ROS1: variants seen among roughly 807,000 people sequenced by gnomAD.
ROS1 encodes the protein ROS proto-oncogene 1, receptor tyrosine kinase.
In ROS1, 263 loss-of-function variants were observed where a neutral mutation model predicts 273.5. That is an observed-to-expected ratio of 0.96 (90% CI 0.87 to 1.06). The LOEUF (loss-of-function observed/expected upper bound fraction) is 1.06. Ranked by LOEUF, ROS1 falls within the 50% of genes least tolerant of loss-of-function variation. ROS1 has a pLI of 0.00. For missense variants in ROS1, 2,833 were observed against 2,751.1 expected (o/e 1.03, Z -0.67); for synonymous variants, 1,008 against 954.1 (o/e 1.06, Z -1.04).
chr6:117,394,795 A>T (rs1297243899), intron 9 of ROS1, 57 bp from the exon 10 acceptor site: 3 of 1,495,852 alleles, frequency 2.0e-6, no homozygotes, highest in Non-Finnish European at 9.0e-7. Context: ...ACACTAACAG[A>T]CACAAAAAAG....
chr6:117,406,955 C>T (rs765516), intron 5 of ROS1, among the ~76,000 whole-genome samples: 84,502 of 151,794 alleles, frequency 0.56, 24,725 homozygotes, highest in African/African-American at 0.74. Flanking sequence ...CCTTGAGTGT[C>T]TAAAATACTC....
At position 117,288,690 on chromosome 6, in the gene ROS1, G is replaced by T; in HGVS notation, c.6828C>A (p.Gly2276=). The change falls in exon 44 of 44, where the codon GGC becomes GGA. Residue 2276 remains glycine, a synonymous_variant. Coordinates refer to ENST00000368507, the MANE Select transcript of ROS1 (RefSeq NM_001378902.1). ...LNYMVLATEC[G]QGEEKSEGPL... ...GACCCTCAGACTTTTCTTCACCTTG[G>T]CCACATTCTGTAGCAAGTACCATAT... The T allele has an allele frequency of 6.2e-7, 1 of 1,613,952 alleles. No individual in the cohort carries two copies. Among genetic ancestry groups the T allele is most frequent in the Non-Finnish European group, 8.5e-7 (1 of 1,179,984 alleles).
intron 1 of ROS1, among the ~76,000 whole-genome samples, chr6:117,423,230 C>A (rs1462331510): frequency 1.3e-5 from 2 of 152,016 alleles, no homozygotes; most frequent in Non-Finnish European, 2.9e-5. Context: ...CTGATGGGTG[C>A]ACCAAAATCT....
rs114711198 is a variant in ROS1 at position 117,339,783 on chromosome 6, A to C, written c.5061+1352T>G. ...ACTGCATGAAAGTCATGAGAATTCA[A>C]CCAGGAGATCTCTGTCTGCTGTCCT... is the stretch of plus-strand genomic sequence containing the variant. On this transcript the variant is annotated intron_variant, in intron 31 of 43. Transcript: ENST00000368507. Among the ~76,000 whole-genome samples, 1,418 of 152,254 alleles carry C rather than the reference A, an allele frequency of 9.3e-3. 16 individuals are homozygous for C. The highest frequency in any genetic ancestry group is 0.033 in the African/African-American group (1,351 of 41,554).
intron 42 of ROS1, among the ~76,000 whole-genome samples, chr6:117,308,545 T>C (rs2128545359): frequency 6.6e-6 from 1 of 152,204 alleles, no homozygotes; most frequent in South Asian, 2.1e-4. Flanking sequence ...CAGAAGTATT[T>C]TACTTAACCA....
At chr6:117,359,786 G>T in intron 24 of ROS1, 23 bp downstream of exon 24, 1 of 1,592,898 alleles carries the variant, frequency 6.3e-7, no homozygotes. Flanking sequence ...CCTTTATTTC[G>T]GAAGAATTAC....
At chr6:117,394,425 ATT>A (rs2128713182) in intron 10 of ROS1, 79 bp from the exon 11 acceptor site, 1 of 965,586 alleles carries the variant, frequency 1.0e-6, no homozygotes, top group South Asian at 3.0e-5. Flanking sequence ...GAATTTATTT[ATT>A]TAATGATTAA....
chr6:117,333,900 C>A (rs1465740042), intron 32 of ROS1, among the ~76,000 whole-genome samples: 2 of 152,040 alleles, frequency 1.3e-5, no homozygotes, highest in African/African-American at 4.8e-5. Flanking sequence ...ATTGAATGAG[C>A]AAAACCTGGA....
At chr6:117,379,282 A>C in intron 17 of ROS1, 123 bp from the exon 18 acceptor site, 1 of 616,802 alleles carries the variant, frequency 1.6e-6, no homozygotes, top group Non-Finnish European at 2.8e-6. Flanking sequence ...AAATTCAGTA[A>C]TTTTTACTTT....
chr6:117,391,648 AT>A (rs1773077893), intron 12 of ROS1, among the ~76,000 whole-genome samples: 1 of 152,206 alleles, frequency 6.6e-6, no homozygotes, highest in African/African-American at 2.4e-5. Flanking sequence ...TGAAAGTTAC[AT>A]GCTGATTTTT....
intron 18 of ROS1, among the ~76,000 whole-genome samples, chr6:117,369,428 G>C (rs1780554892): frequency 6.6e-6 from 1 of 152,044 alleles, no homozygotes; most frequent in African/African-American, 2.4e-5. Flanking sequence ...CAAAAAATTA[G>C]CCGGGCGTGT....
intron 25 of ROS1, among the ~76,000 whole-genome samples, chr6:117,357,162 T>C (rs1779389394): frequency 6.6e-6 from 1 of 152,216 alleles, no homozygotes; most frequent in South Asian, 2.1e-4. Flanking sequence ...TATAATGACC[T>C]TAGGTGCTAT....
intron 28 of ROS1, 102 bp downstream of exon 28, chr6:117,343,958 G>T: frequency 1.0e-6 from 1 of 959,216 alleles, no homozygotes; most frequent in Non-Finnish European, 1.6e-6. Flanking sequence ...TTGCGTACTA[G>T]TCCATTTCAG....
At chr6:117,420,550 T>G (rs1022046959) in intron 1 of ROS1, among the ~76,000 whole-genome samples, 1 of 151,128 alleles carries the variant, frequency 6.6e-6, no homozygotes, top group African/African-American at 2.4e-5. Context: ...CTGAACATTG[T>G]GCACATGTAC....
rs1355743227 is a variant in ROS1 at position 117,288,726 on chromosome 6, T to C, written c.6792A>G (p.Glu2264=). ...TAGCAAGTACCATATAGTTTAACCCTTCTCGGTTCTTCGTTTCCATTAAAG... is the reference window on the plus strand; with the variant it reads ...TAGCAAGTACCATATAGTTTAACCCCTCTCGGTTCTTCGTTTCCATTAAAG... ...PVALMETKNR[E]GLNYMVLATE... Residue 2264 remains glutamate, a synonymous_variant, in exon 44 of 44, where the codon GAA becomes GAG. Transcript: ENST00000368507. 6.2e-7 allele frequency: 1 copy of C among 1,613,984 alleles called. No homozygotes were observed. Among genetic ancestry groups the C allele is most frequent in the South Asian group, 1.1e-5 (1 of 90,992 alleles).
intron 3 of ROS1, among the ~76,000 whole-genome samples, chr6:117,415,463 G>GACCTGAACA (rs1312748946): frequency 6.6e-6 from 1 of 152,138 alleles, no homozygotes; most frequent in African/African-American, 2.4e-5. Context: ...TTTAACCCCT[G>GACCTGAACA]ACCTGAACAA....
intron 15 of ROS1, among the ~76,000 whole-genome samples, 183 bp downstream of exon 15, chr6:117,386,706 C>A (rs113447529): frequency 7.2e-4 from 109 of 152,298 alleles, no homozygotes; most frequent in African/African-American, 2.6e-3. Context: ...TAATAAATAG[C>A]GTTCCTATCT....
chr6:117,297,369 T>C (rs1187609380), intron 43 of ROS1, among the ~76,000 whole-genome samples: 13 of 152,134 alleles, frequency 8.5e-5, no homozygotes, highest in Non-Finnish European at 1.2e-4. Context: ...TAGACAAATG[T>C]GACTTAATTA....
Position 117,341,008 on chromosome 6 carries a change from C to T in ROS1, c.5061+127G>A. The T allele has an allele frequency of 4.7e-6, 3 of 640,752 alleles. No homozygotes were observed. The South Asian group carries it at 6.8e-5, about 14-fold the overall frequency. The allele number at this position is 640,752 out of a possible 1,614,324, so 39.7% of individuals were successfully genotyped here. On this transcript the variant is annotated intron_variant, in intron 31 of 43. Coordinates refer to ENST00000368507, the MANE Select transcript of ROS1 (RefSeq NM_001378902.1). Reference sequence around the variant, plus strand: ...TGGATAACTCACTGCTTCTGCATGCCAAACATAAATCAATGAAAGTTGTCA... The same window carrying T: ...TGGATAACTCACTGCTTCTGCATGCTAAACATAAATCAATGAAAGTTGTCA...
Sources: gnomAD v4.1 joint callset for allele counts (sites outside exome capture counted in the v4.1 genomes callset) on GRCh38, gnomAD v4.1.1 for gene constraint, MANE v1.5 for transcripts, NCBI Gene and HGNC (gene_info 2026-07-23, HGNC 2026-07-21) for gene names.